The following CHD7 variants were observed in gnomAD, a reference collection of about 807,000 sequenced individuals.
CHD7 encodes ATP-dependent chromatin remodeler CHD7.
CHD7 carries 24 observed loss-of-function variants against 307.3 expected under a neutral mutation model. That is an observed-to-expected ratio of 0.08 (90% CI 0.06 to 0.11). CHD7 has a LOEUF of 0.11. Ranked by LOEUF, CHD7 falls within the 10% of genes least tolerant of loss-of-function variation. The probability of loss-of-function intolerance (pLI) is 1.00; values close to 1 mark genes in which losing one functional copy is unlikely to be tolerated. For missense variants in CHD7, 3,106 were observed against 3,727.1 expected (o/e 0.83, Z 4.34); for synonymous variants, 1,363 against 1,349.9 (o/e 1.01, Z -0.21).
chr8:60,742,260 C>A lies in CHD7; in HGVS notation c.828C>A (p.Ser276=). 1 of 1,613,886 alleles carries A rather than the reference C, an allele frequency of 6.2e-7. No individual in the cohort carries two copies. The highest frequency in any genetic ancestry group is 8.5e-7 in the Non-Finnish European group (1 of 1,179,862). The part of the protein sequence containing the change: ...GESVAHSPRF[S]PNPPQQGAVR... ...CCGTTGCCCACAGTCCCAGATTCTCCCCGAATCCTCCCCAACAAGGGGCTG... is the reference window on the plus strand; with the variant it reads ...CCGTTGCCCACAGTCCCAGATTCTCACCGAATCCTCCCCAACAAGGGGCTG... Residue 276 remains serine (S), a synonymous_variant, in exon 2 of 38, where the codon TCC becomes TCA. Transcript: ENST00000423902.
intron 3 of CHD7, among the ~76,000 whole-genome samples, chr8:60,788,038 T>C (rs916999265): frequency 7.2e-5 from 11 of 152,052 alleles, no homozygotes; most frequent in Non-Finnish European, 1.0e-4. Context: ...GCCAGGTTGG[T>C]CTCAAACGCC....
At chr8:60,761,383 C>A (rs1367483665) in intron 2 of CHD7, among the ~76,000 whole-genome samples, 1 of 151,228 alleles carries the variant, frequency 6.6e-6, no homozygotes, top group Middle Eastern at 3.4e-3. Context: ...GGGAGATATA[C>A]CTAATGCTAA....
At chr8:60,708,768 C>CA (rs1807135521) in intron 1 of CHD7, among the ~76,000 whole-genome samples, 1 of 152,190 alleles carries the variant, frequency 6.6e-6, no homozygotes, top group African/African-American at 2.4e-5. Context: ...GGTTCTGTTT[C>CA]AAATACTACC....
chr8:60,830,689 C>A, intron 15 of CHD7, 112 bp downstream of exon 15: 1 of 1,223,376 alleles, frequency 8.2e-7, no homozygotes, highest in Non-Finnish European at 1.1e-6. Flanking sequence ...GTCTCCTGTC[C>A]ACTCAGCATG....
rs183372951 is a variant in CHD7 at position 60,815,646 on chromosome 8, G to A, written c.2499-741G>A. Among the ~76,000 whole-genome samples, 35 of 152,246 alleles carry A rather than the reference G, an allele frequency of 2.3e-4. 1 individual carries two copies. Among genetic ancestry groups the A allele is most frequent in the Admixed American group, 2.0e-3 (31 of 15,300 alleles). On this transcript the variant is annotated intron_variant, in intron 7 of 37. Coordinates refer to ENST00000423902, the MANE Select transcript of CHD7 (RefSeq NM_017780.4). ...GGGATGGGGAGTCTTGAGGGGAGGGGGTTTGCCCAGTGCAGGTATAGATGA... is the reference window on the plus strand; with the variant it reads ...GGGATGGGGAGTCTTGAGGGGAGGGAGTTTGCCCAGTGCAGGTATAGATGA...
At position 60,741,831 on chromosome 8, in the gene CHD7, G is replaced by A; in HGVS notation, c.399G>A (p.Arg133=). ...MGVYPGMQNE[R]HGQSFVDSSS... ...TCTACCCTGGCATGCAGAATGAGAG[G>A]CATGGGCAATCCTTTGTGGACAGCA... Residue 133 remains arginine, a synonymous_variant, in exon 2 of 38, where the codon AGG becomes AGA. Transcript: ENST00000423902. The A allele has an allele frequency of 6.2e-7, 1 of 1,613,938 alleles. No individual in the cohort carries two copies. The highest frequency in any genetic ancestry group is 8.5e-7 in the Non-Finnish European group (1 of 1,179,868).
chr8:60,780,809 A>G (rs1365170619), intron 2 of CHD7, among the ~76,000 whole-genome samples, 191 bp from the exon 3 acceptor site: 2 of 152,218 alleles, frequency 1.3e-5, no homozygotes, highest in Non-Finnish European at 2.9e-5. Flanking sequence ...TTTCTTTCTT[A>G]AAAGATTCTC....
chr8:60,683,440 A>C (rs1015146135), intron 1 of CHD7, among the ~76,000 whole-genome samples: 5 of 152,248 alleles, frequency 3.3e-5, no homozygotes. Context: ...CTATGTGTCC[A>C]TATTTTACTT....
intron 1 of CHD7, among the ~76,000 whole-genome samples, chr8:60,737,600 CCCCTCCTCA>C (rs1358720214): frequency 3.3e-5 from 5 of 152,138 alleles, no homozygotes; most frequent in African/African-American, 1.2e-4. Flanking sequence ...CTCGTTGTGA[CCCCTCCTCA>C]CCCCCAAACA....
intron 17 of CHD7, 59 bp from the exon 18 acceptor site, chr8:60,837,609 G>A (rs1458596413): frequency 2.0e-5 from 27 of 1,381,528 alleles, no homozygotes; most frequent in African/African-American, 2.9e-5. Flanking sequence ...TATGAATTTG[G>A]TGGGGAGACA....
At chr8:60,705,672 T>A (rs1404740711) in intron 1 of CHD7, among the ~76,000 whole-genome samples, 1 of 152,224 alleles carries the variant, frequency 6.6e-6, no homozygotes, top group Non-Finnish European at 1.5e-5. Context: ...GCAGAATTTG[T>A]GCTAACAGTT....
intron 2 of CHD7, among the ~76,000 whole-genome samples, chr8:60,772,993 T>A (rs1810782742): frequency 6.6e-6 from 1 of 152,250 alleles, no homozygotes; most frequent in East Asian, 1.9e-4. Flanking sequence ...CTGCGTTTTG[T>A]TGGGTTATTG....
rs1044805715 is a variant in CHD7, at chr8:60,852,951, G to C, written c.6226G>C (p.Glu2076Gln). ...GGTTCTCCATCACCCCCAGCTGGGA[G>C]AGAGGCTTAAGCTCTGCCAGCCAAG... Reference protein sequence around the residue: ...EQVLHHPQLGERLKLCQPSLD... With the variant: ...EQVLHHPQLGQRLKLCQPSLD... Residue 2076 changes from glutamate to glutamine, a missense_variant, in exon 31 of 38, where the codon GAG becomes CAG. Transcript: ENST00000423902. The C allele has an allele frequency of 2.5e-6, 4 of 1,613,922 alleles. No homozygotes were observed. Among genetic ancestry groups the C allele is most frequent in the Non-Finnish European group, 3.4e-6 (4 of 1,179,908 alleles).
chr8:60,844,501 C>T, intron 21 of CHD7, among the ~76,000 whole-genome samples: 1 of 152,114 alleles, frequency 6.6e-6, no homozygotes, highest in East Asian at 1.9e-4. Context: ...GATGGTTGGT[C>T]AACATCAAAA....
At chr8:60,818,994 C>T (rs1803889202) in intron 8 of CHD7, among the ~76,000 whole-genome samples, 1 of 152,210 alleles carries the variant, frequency 6.6e-6, no homozygotes, top group African/African-American at 2.4e-5. Context: ...CCCTCTGTCA[C>T]CTGGGCTGGA....
At chr8:60,827,403 G>C (rs891545036) in intron 13 of CHD7, among the ~76,000 whole-genome samples, 1 of 152,080 alleles carries the variant, frequency 6.6e-6, no homozygotes, top group Admixed American at 6.6e-5. Context: ...TGGGAGACAC[G>C]ATATCAATAC....
intron 1 of CHD7, among the ~76,000 whole-genome samples, chr8:60,721,922 A>G (rs1281289605): frequency 6.6e-6 from 1 of 152,240 alleles, no homozygotes; most frequent in Non-Finnish European, 1.5e-5. Context: ...AGATGCATGA[A>G]TGAAACTTTT....
At chr8:60,733,871 A>G (rs1808578951) in intron 1 of CHD7, among the ~76,000 whole-genome samples, 1 of 152,234 alleles carries the variant, frequency 6.6e-6, no homozygotes, top group Non-Finnish European at 1.5e-5. Flanking sequence ...AACCTGTGAA[A>G]TAGTATGTTA....
Position 60,742,212 on chromosome 8 carries a change from C to T in CHD7, c.780C>T (p.Pro260=), listed in dbSNP as rs2150579200. 6.2e-7 allele frequency: 1 copy of T among 1,613,912 alleles called. No individual in the cohort carries two copies. ...CGGTGCAGCAGTTCCATCACCACCC[C>T]TCTACTGCTCTCCATGGAGAATCCG... The part of the protein sequence containing the change: ...RHSVQQFHHH[P]STALHGESVA... The change falls in exon 2 of 38, where the codon CCC becomes CCT. Residue 260 remains proline, a synonymous_variant. Coordinates refer to ENST00000423902, the MANE Select transcript of CHD7 (RefSeq NM_017780.4).
Sources: allele counts gnomAD v4.1 joint callset (sites outside exome capture counted in the v4.1 genomes callset), GRCh38; gene constraint gnomAD v4.1.1; transcripts MANE v1.5; gene names NCBI Gene and HGNC (gene_info 2026-07-23, HGNC 2026-07-21).